Variants in JARID2 observed in about 807,000 individuals in gnomAD.
JARID2 encodes jumonji and AT-rich interaction domain containing 2, also known as protein Jumonji.
A neutral mutation model predicts 125.6 loss-of-function variants in JARID2; 21 were observed. That is an observed-to-expected ratio of 0.17 (90% CI 0.12 to 0.24). JARID2 has a LOEUF of 0.24. Ranked by LOEUF, JARID2 falls within the 10% of genes least tolerant of loss-of-function variation. JARID2 has a pLI of 1.00. For synonymous variants in JARID2, 736 were observed against 661.6 expected (o/e 1.11, Z -1.73); for missense variants, 1,303 against 1,639.6 (o/e 0.79, Z 3.55).
At chr6:15,392,425 T>G (rs964955311) in intron 2 of JARID2, among the ~76,000 whole-genome samples, 6 of 152,110 alleles carry the variant, frequency 3.9e-5, no homozygotes, top group Admixed American at 3.3e-4. Flanking sequence ...TGAAAAGGAT[T>G]CACCTTCTGT....
At chr6:15,348,458 G>A (rs1422671263) in intron 1 of JARID2, among the ~76,000 whole-genome samples, 1 of 152,100 alleles carries the variant, frequency 6.6e-6, no homozygotes, top group Non-Finnish European at 1.5e-5. Flanking sequence ...GTGTGGAGGG[G>A]TTCTCAGTAT....
In JARID2 at chr6:15,520,056, C is replaced by G. The variant is rs1468858333; in HGVS notation, c.3559-13C>G. The G allele has an allele frequency of 1.2e-6, 2 of 1,605,580 alleles. No homozygotes were observed. Among genetic ancestry groups the G allele is most frequent in the Admixed American group, 3.4e-5 (2 of 58,686 alleles). ...CGGTATGTTAACTGTGTCTTCCTTT[C>G]ACCCCCAAACAGGAACAGATTATCA... On this transcript the variant is annotated splice_polypyrimidine_tract_variant and intron_variant, in intron 17 of 17. Coordinates refer to ENST00000341776, the MANE Select transcript of JARID2 (RefSeq NM_004973.4).
chr6:15,520,345 C>T lies in JARID2; in HGVS notation c.*94C>T. 1.1e-6 allele frequency: 1 copy of T among 918,524 alleles called. No homozygotes were observed. 56.9% of individuals were successfully genotyped at this position (918,524 alleles called of 1,614,324 possible). A position where few individuals can be genotyped will look rare whatever the true frequency, so the allele number is the denominator to read the frequency against. On this transcript the variant is annotated 3_prime_UTR_variant, in exon 18 of 18. Coordinates refer to ENST00000341776, the MANE Select transcript of JARID2 (RefSeq NM_004973.4). ...TGCTGTAGGATTCAAGCTGTCTTTG[C>T]ACTAGCTCTAAAGAAGATTTTCTTC...
chr6:15,280,337 C>T (rs982162157), intron 1 of JARID2, among the ~76,000 whole-genome samples: 6 of 152,150 alleles, frequency 3.9e-5, no homozygotes, highest in Non-Finnish European at 5.9e-5. Context: ...ATTAGTTTCT[C>T]GGTTTTTTCC....
At chr6:15,423,977 T>A (rs1410252528) in intron 3 of JARID2, among the ~76,000 whole-genome samples, 1 of 152,158 alleles carries the variant, frequency 6.6e-6, no homozygotes, top group Non-Finnish European at 1.5e-5. Flanking sequence ...TCTGGTCCCT[T>A]TCTCTAGTGG....
intron 3 of JARID2, among the ~76,000 whole-genome samples, chr6:15,429,500 C>T (rs4085876): frequency 0.4 from 61,014 of 151,792 alleles, 12,545 homozygotes; most frequent in South Asian, 0.48. Flanking sequence ...TCCTGGTGGC[C>T]TCAATTGATC....
chr6:15,307,339 C>T lies in JARID2; in HGVS notation c.45+60755C>T, dbSNP rs565352728. On this transcript the variant is annotated intron_variant, in intron 1 of 17. Coordinates refer to ENST00000341776, the MANE Select transcript of JARID2 (RefSeq NM_004973.4). ...CCGGATTCAGGTGATTCTCCTGCCTCAGCCTCCCTAGGAGCTGGGATCACA... is the reference window on the plus strand; with the variant it reads ...CCGGATTCAGGTGATTCTCCTGCCTTAGCCTCCCTAGGAGCTGGGATCACA... Among the ~76,000 whole-genome samples the T allele has an allele frequency of 3.3e-5, 5 of 152,070 alleles. No homozygotes were observed. In the East Asian group the frequency reaches 5.8e-4, roughly 18 times the overall value.
intron 1 of JARID2, among the ~76,000 whole-genome samples, chr6:15,350,139 A>G (rs1324164351): frequency 1.3e-5 from 2 of 152,124 alleles, no homozygotes; most frequent in Non-Finnish European, 2.9e-5. Context: ...ATTTGGGGAG[A>G]CAGCCCTTTC....
intron 3 of JARID2, among the ~76,000 whole-genome samples, chr6:15,450,250 A>G (rs1052700915): frequency 6.6e-6 from 1 of 152,042 alleles, no homozygotes; most frequent in Non-Finnish European, 1.5e-5. Context: ...GCTCACTGCA[A>G]TCTTCACCTC....
At chr6:15,393,965 A>T (rs1765121622) in intron 2 of JARID2, among the ~76,000 whole-genome samples, 1 of 152,116 alleles carries the variant, frequency 6.6e-6, no homozygotes, top group Non-Finnish European at 1.5e-5. Flanking sequence ...TCTAGAAAAC[A>T]TCGTATGTCT....
chr6:15,389,125 C>T (rs1411125256), intron 2 of JARID2, among the ~76,000 whole-genome samples: 1 of 152,132 alleles, frequency 6.6e-6, no homozygotes, highest in Non-Finnish European at 1.5e-5. Flanking sequence ...AGTCCAAGGT[C>T]TCCATTTTGC....
chr6:15,342,008 A>AGG (rs553505847), intron 1 of JARID2, among the ~76,000 whole-genome samples: 141 of 151,846 alleles, frequency 9.3e-4, no homozygotes, highest in African/African-American at 2.7e-3. Context: ...TAAAATAAAA[A>AGG]GGGGGGGGAC....
In JARID2 at chr6:15,487,413, C is replaced by T. The variant is rs1293861306; in HGVS notation, c.777C>T (p.Asp259=). 1 of 1,614,240 alleles carries T rather than the reference C, an allele frequency of 6.2e-7. No individual in the cohort carries two copies. The highest frequency in any genetic ancestry group is 8.5e-7 in the Non-Finnish European group (1 of 1,180,040). The change falls in exon 6 of 18, where the codon GAC becomes GAT. Residue 259 remains aspartate (D), a synonymous_variant. Transcript: ENST00000341776. ...AGAAGCACAGCGATCACCGGGCTGA[C>T]AGCCGCCGGGAGCAGGCTTCAGCTA... ...AKEKHSDHRA[D]SRREQASANH...
chr6:15,519,460 A>G (rs1024410258), intron 17 of JARID2, among the ~76,000 whole-genome samples: 24 of 152,052 alleles, frequency 1.6e-4, no homozygotes, highest in African/African-American at 5.1e-4. Flanking sequence ...CAGGGTCAGC[A>G]TGGTTCCCAG....
intron 4 of JARID2, among the ~76,000 whole-genome samples, chr6:15,456,897 T>TTTTTA (rs386406253): frequency 6.6e-6 from 1 of 150,450 alleles, no homozygotes; most frequent in East Asian, 1.9e-4. Flanking sequence ...TTTTTTTTTT[T>TTTTTA]TACAATCATA....
In JARID2 at chr6:15,496,319, A is replaced by G; in HGVS notation, c.1094A>G (p.His365Arg). Residue 365 changes from histidine (H) to arginine (R), a missense_variant, in exon 7 of 18, where the codon CAC becomes CGC. Physicochemically the swap from His to Arg is conservative, Grantham distance 29 (BLOSUM62 0). This residue lies in a region of JARID2 where 651 missense variants were observed against 581.6 expected (regional missense o/e 1.12). Coordinates refer to ENST00000341776, the MANE Select transcript of JARID2 (RefSeq NM_004973.4). ...ELVKDTKPNH[H>R]KPSSAVNHTI... is the part of the protein sequence containing the mutation. Reference sequence around the variant, plus strand: ...GTCAAGGACACCAAACCCAATCACCACAAGCCCAGTTCCGCTGTCAACCAC... The same window carrying G: ...GTCAAGGACACCAAACCCAATCACCGCAAGCCCAGTTCCGCTGTCAACCAC... 1 of 1,614,192 alleles carries G rather than the reference A, an allele frequency of 6.2e-7. No individual in the cohort carries two copies. The highest frequency in any genetic ancestry group is 8.5e-7 in the Non-Finnish European group (1 of 1,180,040).
intron 3 of JARID2, among the ~76,000 whole-genome samples, chr6:15,422,687 T>C (rs1663242232): frequency 1.3e-5 from 2 of 152,100 alleles, no homozygotes; most frequent in Admixed American, 6.6e-5. Flanking sequence ...CATCAGGAAA[T>C]AGAGCCCCAC....
At chr6:15,319,072 C>T (rs937286884) in intron 1 of JARID2, among the ~76,000 whole-genome samples, 2 of 152,218 alleles carry the variant, frequency 1.3e-5, no homozygotes, top group Non-Finnish European at 2.9e-5. Context: ...TTTGTATTTA[C>T]ATAGAAAGTA....
intron 4 of JARID2, among the ~76,000 whole-genome samples, chr6:15,455,512 A>G (rs1199591830): frequency 1.3e-5 from 2 of 152,150 alleles, no homozygotes; most frequent in African/African-American, 2.4e-5. Flanking sequence ...CTAAATATGC[A>G]TGGCTTTTAA....
Sources: gnomAD v4.1 joint callset for allele counts (sites outside exome capture counted in the v4.1 genomes callset) on GRCh38, gnomAD v4.1.1 for gene constraint, gnomAD v4.1.1 regional missense constraint, MANE v1.5 for transcripts, NCBI Gene and HGNC (gene_info 2026-07-23, HGNC 2026-07-21) for gene names.